Variants in KCNT2 observed in about 807,000 individuals in gnomAD.
KCNT2 encodes potassium channel subfamily T member 2.
In KCNT2, 67 loss-of-function variants were observed where a neutral mutation model predicts 153.8. The observed-to-expected ratio is 0.44, with a 90% CI of 0.36 to 0.53. The LOEUF (loss-of-function observed/expected upper bound fraction) is 0.53, where lower values mean the gene tolerates loss of function less well. Among genes scored for constraint, KCNT2 ranks in the 20% least tolerant of loss-of-function variants. The pLI is 0.00. For missense variants in KCNT2, 975 were observed against 1,354.8 expected (o/e 0.72, Z 4.40); for synonymous variants, 500 against 458.8 (o/e 1.09, Z -1.15).
chr1:196,349,590 CG>C (rs1666444750), intron 14 of KCNT2, among the ~76,000 whole-genome samples: 2 of 152,050 alleles, frequency 1.3e-5, no homozygotes, highest in Admixed American at 1.3e-4. Context: ...TATTTCCTAG[CG>C]GTACACCCTA....
chr1:196,436,957 T>G (rs957681828), intron 8 of KCNT2, among the ~76,000 whole-genome samples: 1 of 138,270 alleles, frequency 7.2e-6, no homozygotes, highest in Non-Finnish European at 1.5e-5. Context: ...CATTTTGGTA[T>G]GTTTACATTT....
chr1:196,451,217 C>CTTTTTTTT (rs561944079), intron 8 of KCNT2, among the ~76,000 whole-genome samples: 60 of 62,832 alleles, frequency 9.5e-4, no homozygotes, highest in Non-Finnish European at 1.1e-3. Flanking sequence ...ATCCCTCTTT[C>CTTTTTTTT]TTTTTTTTTT....
At chr1:196,495,732 A>T (rs1189419751) in intron 1 of KCNT2, among the ~76,000 whole-genome samples, 1 of 152,166 alleles carries the variant, frequency 6.6e-6, no homozygotes, top group Non-Finnish European at 1.5e-5. Context: ...ATTTTTGTCA[A>T]AGGCTTATAC....
At chr1:196,386,931 T>C (rs1276786353) in intron 13 of KCNT2, among the ~76,000 whole-genome samples, 1 of 152,078 alleles carries the variant, frequency 6.6e-6, no homozygotes, top group African/African-American at 2.4e-5. Context: ...TAAATTTATA[T>C]ATATTTCACT....
At chr1:196,232,904 A>G (rs1278504800) in intron 27 of KCNT2, among the ~76,000 whole-genome samples, 1 of 151,414 alleles carries the variant, frequency 6.6e-6, no homozygotes, top group Non-Finnish European at 1.5e-5. Context: ...CAAATAAGGT[A>G]AGCATAATTT....
intron 22 of KCNT2, among the ~76,000 whole-genome samples, chr1:196,293,426 A>C (rs895071045): frequency 6.6e-6 from 1 of 152,250 alleles, no homozygotes; most frequent in Non-Finnish European, 1.5e-5. Context: ...TAATCTAGAT[A>C]GAATGGTACT....
At chr1:196,265,980 A>C (rs771157969) in intron 25 of KCNT2, among the ~76,000 whole-genome samples, 14 of 152,188 alleles carry the variant, frequency 9.2e-5, no homozygotes, top group Non-Finnish European at 1.5e-4. Flanking sequence ...AAATAAAAAC[A>C]AAACAACAAA....
intron 1 of KCNT2, among the ~76,000 whole-genome samples, chr1:196,534,571 T>G (rs1485453055): frequency 6.6e-6 from 1 of 152,126 alleles, no homozygotes; most frequent in African/African-American, 2.4e-5. Context: ...AATTTAGCAT[T>G]AAGTGGAACA....
Position 196,316,038 on chromosome 1 carries a change from A to G in KCNT2, c.2349-12T>C, listed in dbSNP as rs1174999847. On this transcript the variant is annotated splice_polypyrimidine_tract_variant and intron_variant, in intron 20 of 27. Transcript: ENST00000294725. ...GTAAGTCATCTAGGCTTTGATAAAA[A>G]TCAACAGAGAAAAACAAACATTAAA... 2 of 1,607,802 alleles carry G rather than the reference A, an allele frequency of 1.2e-6. No homozygotes were observed. The highest frequency in any genetic ancestry group is 2.2e-5 in the East Asian group (1 of 44,660).
At chr1:196,462,868 A>T (rs1340848795) in intron 8 of KCNT2, among the ~76,000 whole-genome samples, 1 of 151,606 alleles carries the variant, frequency 6.6e-6, no homozygotes, top group Non-Finnish European at 1.5e-5. Flanking sequence ...TTTGTGTGAT[A>T]GTATGATATT....
chr1:196,379,032 G>A (rs993117711), intron 13 of KCNT2, among the ~76,000 whole-genome samples: 1 of 150,640 alleles, frequency 6.6e-6, no homozygotes, highest in Admixed American at 6.7e-5. Context: ...TTTTAGATAT[G>A]GCCACATTAC....
intron 10 of KCNT2, among the ~76,000 whole-genome samples, chr1:196,426,545 T>G (rs1673670920): frequency 6.6e-6 from 1 of 151,940 alleles, no homozygotes; most frequent in Non-Finnish European, 1.5e-5. Flanking sequence ...TTACAAAATA[T>G]ATGGTCCTTT....
At chr1:196,382,784 C>T (rs1669619739) in intron 13 of KCNT2, among the ~76,000 whole-genome samples, 1 of 151,806 alleles carries the variant, frequency 6.6e-6, no homozygotes, top group South Asian at 2.1e-4. Flanking sequence ...ATAGTAATTA[C>T]AAGAGCAAGA....
In KCNT2 at chr1:196,362,628, G is replaced by A. The variant is rs527999018; in HGVS notation, c.1403+10512C>T. Among the ~76,000 whole-genome samples, 9 of 152,170 alleles carry A rather than the reference G, an allele frequency of 5.9e-5. No individual in the cohort carries two copies. The East Asian group carries it at 7.7e-4, about 13-fold the overall frequency. On this transcript the variant is annotated intron_variant, in intron 14 of 27. Coordinates refer to ENST00000294725, the MANE Select transcript of KCNT2 (RefSeq NM_198503.5). ...TACTTTCATAAAGGTTTTGCTGAGG[G>A]AAATCCTCCAGTCAAAATACTATCT...
intron 20 of KCNT2, among the ~76,000 whole-genome samples, chr1:196,318,957 G>A (rs1294140122): frequency 6.6e-6 from 1 of 151,534 alleles, no homozygotes; most frequent in East Asian, 1.9e-4. Flanking sequence ...CATAATACAT[G>A]TATAAGAATT....
intron 12 of KCNT2, 86 bp downstream of exon 12, chr1:196,422,964 T>C: frequency 3.8e-6 from 3 of 788,686 alleles, no homozygotes; most frequent in South Asian, 2.0e-5. Context: ...CAATACTTAA[T>C]GCTGGCGAAT....
At chr1:196,433,675 A>G (rs1177097921) in intron 8 of KCNT2, among the ~76,000 whole-genome samples, 1 of 152,136 alleles carries the variant, frequency 6.6e-6, no homozygotes, top group Non-Finnish European at 1.5e-5. Flanking sequence ...CAAGAAGCAC[A>G]TGGCTCAATT....
intron 26 of KCNT2, among the ~76,000 whole-genome samples, chr1:196,256,993 A>C (rs1656574141): frequency 6.6e-6 from 1 of 152,144 alleles, no homozygotes; most frequent in African/African-American, 2.4e-5. Flanking sequence ...TTATATTAAA[A>C]TTATTTGTCA....
At chr1:196,432,918 G>A (rs1338328931) in intron 8 of KCNT2, among the ~76,000 whole-genome samples, 1 of 152,076 alleles carries the variant, frequency 6.6e-6, no homozygotes, top group African/African-American at 2.4e-5. Flanking sequence ...AGAAGGCTAT[G>A]GTGTGAATGT....
Sources: allele counts gnomAD v4.1 joint callset (sites outside exome capture counted in the v4.1 genomes callset), GRCh38; gene constraint gnomAD v4.1.1; transcripts MANE v1.5; gene names NCBI Gene and HGNC (gene_info 2026-07-23, HGNC 2026-07-21).